Variants in DLG2 observed in about 807,000 individuals in gnomAD.
DLG2 encodes discs large MAGUK scaffold protein 2.
A neutral mutation model predicts 132.5 loss-of-function variants in DLG2; 45 were observed. That is an observed-to-expected ratio of 0.34 (90% CI 0.27 to 0.44). The LOEUF is 0.44. DLG2 is among the 20% of genes least tolerant of loss of function. DLG2 has a pLI of 1.00. For missense variants in DLG2, 1,045 were observed against 1,196.9 expected, an observed-to-expected ratio of 0.87 and a Z score of 1.87; for synonymous variants, 424 against 419.6, an observed-to-expected ratio of 1.01 and a Z score of -0.13.
At chr11:84,202,105 C>T (rs1251241295) in intron 8 of DLG2, among the ~76,000 whole-genome samples, 2 of 151,918 alleles carry the variant, frequency 1.3e-5, no homozygotes, top group East Asian at 3.9e-4. Flanking sequence ...GCAGGAGCCA[C>T]CATGCCCAGC....
chr11:84,792,783 T>C (rs1235921931), intron 6 of DLG2, among the ~76,000 whole-genome samples: 1 of 152,160 alleles, frequency 6.6e-6, no homozygotes, highest in African/African-American at 2.4e-5. Flanking sequence ...TTTTCATCTC[T>C]GATTTTATTT....
At chr11:84,258,832 A>G (rs2097514407) in intron 7 of DLG2, among the ~76,000 whole-genome samples, 1 of 152,196 alleles carries the variant, frequency 6.6e-6, no homozygotes, top group Non-Finnish European at 1.5e-5. Flanking sequence ...CAGTCTGAAG[A>G]GAAATTTATC....
intron 6 of DLG2, among the ~76,000 whole-genome samples, chr11:84,813,306 T>C (rs1487289859): frequency 6.6e-6 from 1 of 152,016 alleles, no homozygotes; most frequent in Non-Finnish European, 1.5e-5. Flanking sequence ...GGCACTATCC[T>C]AGCCTTCTAG....
intron 3 of DLG2, among the ~76,000 whole-genome samples, chr11:85,526,286 T>G (rs1027542821): frequency 2.6e-5 from 4 of 151,860 alleles, no homozygotes; most frequent in African/African-American, 9.7e-5. Flanking sequence ...GAGAAAAATC[T>G]TAAAAGAGTC....
intron 6 of DLG2, among the ~76,000 whole-genome samples, chr11:84,878,428 C>G (rs2086754681): frequency 6.6e-6 from 1 of 152,054 alleles, no homozygotes; most frequent in African/African-American, 2.4e-5. Flanking sequence ...AAGCTGGAAA[C>G]CATCATTCTC....
At chr11:84,971,274 G>C (rs542820088) in intron 6 of DLG2, among the ~76,000 whole-genome samples, 98 of 152,192 alleles carry the variant, frequency 6.4e-4, no homozygotes, top group Non-Finnish European at 1.3e-3. Flanking sequence ...TTTTAGCTAT[G>C]CTTAGCAAAC....
chr11:84,758,720 C>T (rs1235682802), intron 6 of DLG2, among the ~76,000 whole-genome samples: 1 of 152,066 alleles, frequency 6.6e-6, no homozygotes, highest in African/African-American at 2.4e-5. Flanking sequence ...TACATAAATC[C>T]TATGAACCTA....
intron 4 of DLG2, among the ~76,000 whole-genome samples, chr11:85,172,207 C>T (rs1029199891): frequency 1.3e-5 from 2 of 152,190 alleles, no homozygotes; most frequent in Non-Finnish European, 2.9e-5. Flanking sequence ...GCGTTCTGGC[C>T]AGCATCAGGT....
At position 84,920,399 on chromosome 11, in the gene DLG2, A is replaced by G; in HGVS notation, c.357+191262T>C. Among the ~76,000 whole-genome samples the G allele has an allele frequency of 1.3e-5, 2 of 152,208 alleles. 1 individual carries two copies. Among genetic ancestry groups the G allele is most frequent in the Non-Finnish European group, 2.9e-5 (2 of 68,026 alleles). Reference sequence around the variant, plus strand: ...AGATTCAACTTAAAAGTGACCTCACAGCAAAACCTTTCTTGATTAGTCCAG... The same window carrying G: ...AGATTCAACTTAAAAGTGACCTCACGGCAAAACCTTTCTTGATTAGTCCAG... On this transcript the variant is annotated intron_variant, in intron 6 of 27. Coordinates refer to ENST00000376104, the MANE Select transcript of DLG2 (RefSeq NM_001142699.3).
rs928178530 is a variant in DLG2, at chr11:85,220,642, A to G, written c.186+64578T>C. Among the ~76,000 whole-genome samples the G allele has an allele frequency of 6.7e-5, 10 of 150,192 alleles. No homozygotes were observed. In the South Asian group the frequency reaches 1.3e-3, roughly 19 times the overall value. ...TTATATCAAATAGAAAAAAAAATAT[A>G]TATATATATATAACTTTATTTCACA... On this transcript the variant is annotated intron_variant, in intron 4 of 27. Coordinates refer to ENST00000376104, the MANE Select transcript of DLG2 (RefSeq NM_001142699.3).
intron 3 of DLG2, among the ~76,000 whole-genome samples, chr11:85,386,226 C>T (rs1425145827): frequency 2.0e-5 from 3 of 152,080 alleles, no homozygotes; most frequent in Non-Finnish European, 2.9e-5. Flanking sequence ...GCCTACATAC[C>T]ACCTATTATT....
intron 6 of DLG2, among the ~76,000 whole-genome samples, chr11:84,723,692 G>T (rs562804610): frequency 1.1e-4 from 17 of 152,164 alleles, no homozygotes; most frequent in African/African-American, 4.1e-4. Flanking sequence ...TACTGCATGG[G>T]GGTGTACTGC....
chr11:84,386,628 C>G (rs1200017061), intron 7 of DLG2, among the ~76,000 whole-genome samples: 3 of 152,024 alleles, frequency 2.0e-5, no homozygotes, highest in Admixed American at 1.3e-4. Context: ...AAATGGCCAT[C>G]ATATTATAAT....
At chr11:84,863,718 T>C (rs1328198091) in intron 6 of DLG2, among the ~76,000 whole-genome samples, 1 of 152,040 alleles carries the variant, frequency 6.6e-6, no homozygotes, top group Non-Finnish European at 1.5e-5. Context: ...ATAAATACAG[T>C]TAATAAAATA....
At chr11:85,205,385 G>C (rs1227526629) in intron 4 of DLG2, among the ~76,000 whole-genome samples, 1 of 151,852 alleles carries the variant, frequency 6.6e-6, no homozygotes, top group Non-Finnish European at 1.5e-5. Flanking sequence ...GACTGAGAAG[G>C]CTATAAGGGA....
chr11:84,145,513 T>A (rs1566694187), intron 9 of DLG2, among the ~76,000 whole-genome samples: 1 of 152,208 alleles, frequency 6.6e-6, no homozygotes, highest in African/African-American at 2.4e-5. Context: ...CACTGTTGTA[T>A]AGGCAGTTTG....
At chr11:84,040,396 T>C (rs1246186155) in intron 11 of DLG2, among the ~76,000 whole-genome samples, 3 of 151,814 alleles carry the variant, frequency 2.0e-5, no homozygotes, top group Non-Finnish European at 4.4e-5. Flanking sequence ...TTGATTTTTG[T>C]ATAATGTGTA....
intron 6 of DLG2, among the ~76,000 whole-genome samples, chr11:84,837,724 C>T (rs2080011222): frequency 6.6e-6 from 1 of 151,684 alleles, no homozygotes; most frequent in Non-Finnish European, 1.5e-5. Context: ...AAGGGAGCCC[C>T]AATATTACAT....
chr11:84,912,991 G>A (rs183391378), intron 6 of DLG2, among the ~76,000 whole-genome samples: 1 of 152,134 alleles, frequency 6.6e-6, no homozygotes. Flanking sequence ...TGTTTCCCGG[G>A]GCAACACAGT....
Sources: allele counts gnomAD v4.1 joint callset (sites outside exome capture counted in the v4.1 genomes callset), GRCh38; gene constraint gnomAD v4.1.1; transcripts MANE v1.5; gene names NCBI Gene and HGNC (gene_info 2026-07-23, HGNC 2026-07-21).